IQCM: variants seen among roughly 807,000 people sequenced by gnomAD.
IQCM encodes IQ domain-containing protein M.
IQCM carries 45 observed loss-of-function variants against 57.6 expected under a neutral mutation model. The ratio of observed to expected loss-of-function variants is 0.78; its 90% CI spans 0.62 to 1.00. IQCM has a LOEUF of 1.00. IQCM is among the 50% of genes least tolerant of loss of function. The pLI is 0.00. For synonymous variants in IQCM, 148 were observed against 158.9 expected, an observed-to-expected ratio of 0.93 and a Z score of 0.51; for missense variants, 468 against 511.6, an observed-to-expected ratio of 0.91 and a Z score of 0.82.
intron 12 of IQCM, among the ~76,000 whole-genome samples, chr4:149,481,714 T>TTTTTTTG (rs1740893186): frequency 7.7e-5 from 3 of 39,046 alleles, no homozygotes; most frequent in Non-Finnish European, 1.4e-4. Context: ...TTTTTTTTTT[T>TTTTTTTG]TTTTTTTTGC....
intron 5 of IQCM, 98 bp from the exon 6 acceptor site, chr4:149,686,566 G>C: frequency 2.3e-6 from 1 of 442,128 alleles, no homozygotes; most frequent in East Asian, 3.6e-5. Flanking sequence ...TTAATAACAA[G>C]AGCTATAATC....
At chr4:149,638,873 C>A (rs1184358635) in intron 7 of IQCM, among the ~76,000 whole-genome samples, 1 of 152,088 alleles carries the variant, frequency 6.6e-6, no homozygotes, top group African/African-American at 2.4e-5. Flanking sequence ...TTACCATCAG[C>A]TTAAACTCTC....
chr4:149,621,585 G>C (rs1756341435), intron 7 of IQCM, among the ~76,000 whole-genome samples: 1 of 152,020 alleles, frequency 6.6e-6, no homozygotes, highest in South Asian at 2.1e-4. Flanking sequence ...AATCATGTTT[G>C]CGAATAGCAC....
intron 2 of IQCM, among the ~76,000 whole-genome samples, chr4:149,803,062 C>T (rs1180962065): frequency 6.6e-6 from 1 of 151,944 alleles, no homozygotes; most frequent in Non-Finnish European, 1.5e-5. Context: ...GATGCAGTAA[C>T]TTGCCCATGA....
rs894447139 is a variant in IQCM at position 149,406,434 on chromosome 4, G to A, written c.1390+26962C>T. Among the ~76,000 whole-genome samples the A allele has an allele frequency of 2.0e-5, 3 of 152,218 alleles. No individual in the cohort carries two copies. The South Asian group carries it at 6.2e-4, about 32-fold the overall frequency. On this transcript the variant is annotated intron_variant, in intron 13 of 13. Transcript: ENST00000636793. ...GGAAGAAGGAAGAGCATTCAACATA[G>A]AGCGGACATCACATATGAAGGTCCT...
At chr4:149,522,626 G>A (rs1189342909) in intron 12 of IQCM, among the ~76,000 whole-genome samples, 2 of 152,116 alleles carry the variant, frequency 1.3e-5, no homozygotes, top group East Asian at 1.9e-4. Flanking sequence ...GGGAAAAAGT[G>A]GGGAGAAGGA....
intron 12 of IQCM, among the ~76,000 whole-genome samples, chr4:149,481,701 G>GTTTTGTTTTTTTTTTTTT (rs1740817619): frequency 9.7e-5 from 5 of 51,550 alleles, no homozygotes; most frequent in African/African-American, 3.8e-4. Context: ...TTCCAGTTTT[G>GTTTTGTTTTTTTTTTTTT]TTTTTTTTTT....
chr4:149,692,431 T>C (rs1191706990), intron 5 of IQCM, among the ~76,000 whole-genome samples: 1 of 152,158 alleles, frequency 6.6e-6, no homozygotes, highest in Admixed American at 6.6e-5. Context: ...TATGTATGTA[T>C]TTTTTAAATC....
intron 3 of IQCM, among the ~76,000 whole-genome samples, chr4:149,736,016 T>A (rs1292987287): frequency 6.6e-6 from 1 of 151,762 alleles, no homozygotes; most frequent in African/African-American, 2.4e-5. Flanking sequence ...TGCACAATTC[T>A]GGCTCTGTGC....
chr4:149,587,749 A>G (rs1752772218), intron 9 of IQCM, among the ~76,000 whole-genome samples, 181 bp downstream of exon 9: 1 of 151,792 alleles, frequency 6.6e-6, no homozygotes, highest in Admixed American at 6.6e-5. Context: ...AACACTCAAA[A>G]AACTGTATTT....
intron 7 of IQCM, among the ~76,000 whole-genome samples, chr4:149,633,114 T>C (rs553009467): frequency 9.2e-5 from 13 of 142,000 alleles, no homozygotes; most frequent in African/African-American, 3.5e-4. Flanking sequence ...TGAGCCGAGA[T>C]TGCGCCACTG....
chr4:149,729,442 C>T (rs576928476), intron 5 of IQCM, among the ~76,000 whole-genome samples: 264 of 150,964 alleles, frequency 1.7e-3, no homozygotes, highest in African/African-American at 5.3e-3. Flanking sequence ...AATAACCACA[C>T]TCAAAGTCTT....
chr4:149,359,283 C>G (rs1330789816), intron 13 of IQCM, among the ~76,000 whole-genome samples: 1 of 151,990 alleles, frequency 6.6e-6, no homozygotes, highest in Non-Finnish European at 1.5e-5. Flanking sequence ...TTTTTCAATG[C>G]AAAAGCAGTA....
At chr4:149,596,943 T>A (rs958782015) in intron 8 of IQCM, among the ~76,000 whole-genome samples, 1 of 152,086 alleles carries the variant, frequency 6.6e-6, no homozygotes, top group African/African-American at 2.4e-5. Flanking sequence ...GGAAATTCAG[T>A]AAACATGAGA....
intron 12 of IQCM, among the ~76,000 whole-genome samples, chr4:149,534,816 T>A (rs1747121293): frequency 6.6e-6 from 1 of 152,040 alleles, no homozygotes; most frequent in Non-Finnish European, 1.5e-5. Context: ...AAAATGAAAC[T>A]CTTATGGACC....
At chr4:149,538,648 T>G (rs1278471444) in intron 12 of IQCM, among the ~76,000 whole-genome samples, 2 of 151,916 alleles carry the variant, frequency 1.3e-5, no homozygotes, top group African/African-American at 4.8e-5. Context: ...TATTCAAATT[T>G]GCAAATAGGC....
At chr4:149,619,533 A>G (rs1013689375) in intron 8 of IQCM, among the ~76,000 whole-genome samples, 17 of 152,170 alleles carry the variant, frequency 1.1e-4, no homozygotes, top group African/African-American at 3.9e-4. Context: ...TTTGACTCAC[A>G]AGGAATTTAG....
At chr4:149,385,109 G>A (rs918124611) in intron 13 of IQCM, among the ~76,000 whole-genome samples, 1 of 152,058 alleles carries the variant, frequency 6.6e-6, no homozygotes, top group African/African-American at 2.4e-5. Context: ...AAAGATACTG[G>A]AGAGTGCCTA....
At chr4:149,571,691 C>T (rs945595284) in intron 9 of IQCM, among the ~76,000 whole-genome samples, 8 of 151,976 alleles carry the variant, frequency 5.3e-5, no homozygotes, top group African/African-American at 1.7e-4. Flanking sequence ...TTAATTAGCT[C>T]GATTTAGTCA....
Sources: gnomAD v4.1 joint callset for allele counts (sites outside exome capture counted in the v4.1 genomes callset) on GRCh38, gnomAD v4.1.1 for gene constraint, MANE v1.5 for transcripts, NCBI Gene and HGNC (gene_info 2026-07-23, HGNC 2026-07-21) for gene names.